LNX1: variants seen among roughly 807,000 people sequenced by gnomAD.
LNX1 encodes the protein E3 ubiquitin-protein ligase LNX.
A neutral mutation model predicts 68.4 loss-of-function variants in LNX1; 54 were observed. The observed-to-expected ratio is 0.79, with a 90% CI of 0.63 to 0.99. The LOEUF is 0.99. LNX1 is among the 50% of genes least tolerant of loss of function. LNX1 has a pLI of 0.00. For synonymous variants in LNX1, 336 were observed against 350.0 expected, an observed-to-expected ratio of 0.96 and a Z score of 0.45; for missense variants, 906 against 926.4, an observed-to-expected ratio of 0.98 and a Z score of 0.29.
At chr4:53,631,860 C>A (rs1433096000) in intron 1 of LNX1, among the ~76,000 whole-genome samples, 3 of 151,450 alleles carry the variant, frequency 2.0e-5, no homozygotes, top group Non-Finnish European at 2.9e-5. Flanking sequence ...GGAGCCTGAG[C>A]CTTTTTTTTT....
At position 53,480,433 on chromosome 4, in the gene LNX1, C is replaced by T. The variant is rs115734833; in HGVS notation, c.1485+1287G>A. Reference sequence around the variant, plus strand: ...CATAATTTGATGACTTAGAATATGACGTATTCTAGTTAATTCAACTAAAAT... The same window carrying T: ...CATAATTTGATGACTTAGAATATGATGTATTCTAGTTAATTCAACTAAAAT... On this transcript the variant is annotated intron_variant, in intron 7 of 10. Coordinates refer to ENST00000263925, the MANE Select transcript of LNX1 (RefSeq NM_001126328.3). Among the ~76,000 whole-genome samples, 534 of 152,146 alleles carry T rather than the reference C, an allele frequency of 3.5e-3. 2 individuals carry two copies. The highest frequency in any genetic ancestry group is 0.012 in the African/African-American group (495 of 41,510).
intron 2 of LNX1, among the ~76,000 whole-genome samples, chr4:53,518,836 T>C (rs550295564): frequency 6.6e-6 from 1 of 152,246 alleles, no homozygotes; most frequent in Non-Finnish European, 1.5e-5. Flanking sequence ...GCATGGAAAA[T>C]TAGAAGCAGG....
At chr4:53,564,902 A>T (rs2109750092) in intron 2 of LNX1, among the ~76,000 whole-genome samples, 2 of 152,246 alleles carry the variant, frequency 1.3e-5, no homozygotes, top group Middle Eastern at 6.8e-3. Flanking sequence ...GCACCGGGAA[A>T]ATCAGGTCAC....
At chr4:53,461,110 T>G in intron 10 of LNX1, 68 bp from the exon 11 acceptor site, 1 of 1,360,394 alleles carries the variant, frequency 7.4e-7, no homozygotes, top group South Asian at 1.4e-5. Flanking sequence ...TGCAAGTTTA[T>G]CTTAGTGGTG....
intron 2 of LNX1, among the ~76,000 whole-genome samples, chr4:53,515,048 AG>A (rs1278892020): frequency 6.6e-6 from 1 of 152,228 alleles, no homozygotes; most frequent in African/African-American, 2.4e-5. Context: ...CTGTGACTCA[AG>A]GATATTTCAC....
chr4:53,570,012 G>C (rs911057317), intron 2 of LNX1, among the ~76,000 whole-genome samples: 3 of 152,170 alleles, frequency 2.0e-5, no homozygotes, highest in African/African-American at 4.8e-5. Flanking sequence ...AGTCAGGAAA[G>C]AACAGGTGGT....
chr4:53,486,526 C>T (rs1250739988), intron 6 of LNX1, among the ~76,000 whole-genome samples: 1 of 152,206 alleles, frequency 6.6e-6, no homozygotes, highest in Non-Finnish European at 1.5e-5. Context: ...AGACAACACA[C>T]TGGGAACCTT....
At chr4:53,546,286 G>A (rs1426782857) in intron 2 of LNX1, among the ~76,000 whole-genome samples, 2 of 152,190 alleles carry the variant, frequency 1.3e-5, no homozygotes, top group Non-Finnish European at 2.9e-5. Flanking sequence ...GGCTGCACGT[G>A]TTCAAAATTG....
chr4:53,563,515 G>C lies in LNX1; in HGVS notation c.380+10108C>G, dbSNP rs185422765. ...AAAGGCCAAGAGAGATCCACAGTCT[G>C]GTTCTAGGTTAGCTTCAAATTCTTT... On this transcript the variant is annotated intron_variant, in intron 2 of 10. Coordinates refer to ENST00000263925, the MANE Select transcript of LNX1 (RefSeq NM_001126328.3). Among the ~76,000 whole-genome samples the C allele has an allele frequency of 4.6e-5, 7 of 151,840 alleles. No individual in the cohort carries two copies. In the East Asian group the frequency reaches 1.4e-3, roughly 29 times the overall value.
At chr4:53,523,043 C>T (rs796791812) in intron 2 of LNX1, 20 of 152,290 alleles carry the variant, frequency 1.3e-4, no homozygotes, top group African/African-American at 4.8e-4. Context: ...TTTTAAAAAT[C>T]TAGCTTATGA....
chr4:53,544,229 C>T (rs575010867), intron 2 of LNX1, among the ~76,000 whole-genome samples: 126 of 151,074 alleles, frequency 8.3e-4, no homozygotes, highest in African/African-American at 3.0e-3. Flanking sequence ...CAGTCTCACT[C>T]TGTTGCCCAG....
upstream of LNX1, among the ~76,000 whole-genome samples, chr4:53,594,733 G>C (rs1357488664): frequency 1.3e-5 from 2 of 150,018 alleles, no homozygotes; most frequent in Non-Finnish European, 3.0e-5. Context: ...TTTTTTTAGA[G>C]ACAACTCTCC....
In LNX1 at chr4:53,469,075, A is replaced by T. The variant is rs1560611932; in HGVS notation, c.1893-7482T>A. Reference sequence around the variant, plus strand: ...CCACACCACACCTATTCCATAACTGACCACATAGTTGGAAGTAAAGCACTC... The same window carrying T: ...CCACACCACACCTATTCCATAACTGTCCACATAGTTGGAAGTAAAGCACTC... On this transcript the variant is annotated intron_variant, in intron 9 of 10. Coordinates refer to ENST00000263925, the MANE Select transcript of LNX1 (RefSeq NM_001126328.3). 2.0e-5 allele frequency among the ~76,000 whole-genome samples: 3 copies of T among 152,220 alleles called. 1 individual carries two copies. The highest frequency in any genetic ancestry group is 7.2e-5 in the African/African-American group (3 of 41,450).
chr4:53,527,764 A>G (rs1727728223), intron 2 of LNX1, among the ~76,000 whole-genome samples: 1 of 152,256 alleles, frequency 6.6e-6, no homozygotes, highest in South Asian at 2.1e-4. Context: ...GCAGGGGAAA[A>G]GGGGCTACCA....
chr4:53,563,163 G>C (rs180965599), intron 2 of LNX1, among the ~76,000 whole-genome samples: 1 of 152,030 alleles, frequency 6.6e-6, no homozygotes. Flanking sequence ...CTGAGATCGT[G>C]CCAGCCTGGG....
intron 2 of LNX1, among the ~76,000 whole-genome samples, chr4:53,605,397 A>T (rs1006445092): frequency 6.6e-6 from 1 of 152,186 alleles, no homozygotes; most frequent in African/African-American, 2.4e-5. Context: ...CGTATGCATC[A>T]TCTTACATGG....
intron 1 of LNX1, among the ~76,000 whole-genome samples, chr4:53,649,906 C>T (rs1267361432): frequency 1.3e-5 from 2 of 152,120 alleles, no homozygotes; most frequent in Admixed American, 6.6e-5. Flanking sequence ...CCTGGAACCT[C>T]GTAAGCGCTT....
chr4:53,622,542 T>C (rs1050126690), intron 1 of LNX1, among the ~76,000 whole-genome samples: 1 of 152,158 alleles, frequency 6.6e-6, no homozygotes, highest in African/African-American at 2.4e-5. Flanking sequence ...ATCTCCAATT[T>C]TGACATCTGA....
intron 2 of LNX1, among the ~76,000 whole-genome samples, chr4:53,539,601 T>C (rs1728612064): frequency 6.6e-6 from 1 of 152,376 alleles, no homozygotes; most frequent in Non-Finnish European, 1.5e-5. Flanking sequence ...ATTTGAGCTT[T>C]GAAATTTCTC....
Sources: allele counts gnomAD v4.1 joint callset (sites outside exome capture counted in the v4.1 genomes callset), GRCh38; gene constraint gnomAD v4.1.1; transcripts MANE v1.5; gene names NCBI Gene and HGNC (gene_info 2026-07-23, HGNC 2026-07-21).